Variants in CPQ observed in about 807,000 individuals in gnomAD.
CPQ encodes carboxypeptidase Q.
A neutral mutation model predicts 45.7 loss-of-function variants in CPQ; 37 were observed. That is an observed-to-expected ratio of 0.81 (90% CI 0.62 to 1.07). The LOEUF (loss-of-function observed/expected upper bound fraction) is 1.07. Ranked by LOEUF, CPQ falls within the 50% of genes least tolerant of loss-of-function variation. CPQ has a pLI of 0.00. For missense variants in CPQ, 537 were observed against 572.9 expected (o/e 0.94, Z 0.64); for synonymous variants, 186 against 205.8 (o/e 0.90, Z 0.82).
At chr8:97,068,032 G>C (rs1020237743) in intron 7 of CPQ, among the ~76,000 whole-genome samples, 4 of 152,170 alleles carry the variant, frequency 2.6e-5, no homozygotes, top group Admixed American at 6.5e-5. Context: ...GTGCAGACGG[G>C]GGGTGGTTCA....
At chr8:96,777,246 T>C (rs936296545) in intron 1 of CPQ, among the ~76,000 whole-genome samples, 1 of 151,988 alleles carries the variant, frequency 6.6e-6, no homozygotes, top group Admixed American at 6.6e-5. Flanking sequence ...AGATGATGAG[T>C]AGGGGAAAAT....
At chr8:96,909,052 A>G (rs1207572208) in intron 4 of CPQ, among the ~76,000 whole-genome samples, 2 of 152,150 alleles carry the variant, frequency 1.3e-5, no homozygotes, top group African/African-American at 2.4e-5. Flanking sequence ...TAAAACCAAG[A>G]TATGACCTGT....
At position 96,780,128 on chromosome 8, in the gene CPQ, A is replaced by T. The variant is rs532854497; in HGVS notation, c.-34-4736A>T. ...TGCCTGTATTTGAGTATAACAATTGAAGGTGCAGTGGTGAATAATTTACCC... is the reference window on the plus strand; with the variant it reads ...TGCCTGTATTTGAGTATAACAATTGTAGGTGCAGTGGTGAATAATTTACCC... On this transcript the variant is annotated intron_variant, in intron 1 of 7. Transcript: ENST00000220763. Among the ~76,000 whole-genome samples the T allele has an allele frequency of 9.2e-5, 14 of 152,278 alleles. 2 individuals carry two copies. The South Asian group carries it at 1.9e-3, about 20-fold the overall frequency.
chr8:97,109,597 C>T (rs1003008700), intron 7 of CPQ, among the ~76,000 whole-genome samples: 1 of 152,168 alleles, frequency 6.6e-6, no homozygotes, highest in African/African-American at 2.4e-5. Flanking sequence ...TTCAATGTCT[C>T]TTCCTCAGTG....
At chr8:96,997,831 T>C (rs987677848) in intron 5 of CPQ, among the ~76,000 whole-genome samples, 3 of 152,030 alleles carry the variant, frequency 2.0e-5, no homozygotes, top group Admixed American at 2.0e-4. Flanking sequence ...ATATTAAGTC[T>C]TAAGCTCTTT....
intron 6 of CPQ, among the ~76,000 whole-genome samples, chr8:97,042,232 G>A (rs1810140824): frequency 6.6e-6 from 1 of 152,008 alleles, no homozygotes; most frequent in South Asian, 2.1e-4. Flanking sequence ...ATGTGTCGAG[G>A]AATTTATCCA....
chr8:96,885,129 CA>C (rs947288529), intron 4 of CPQ, among the ~76,000 whole-genome samples: 12 of 152,156 alleles, frequency 7.9e-5, no homozygotes, highest in African/African-American at 2.2e-4. Flanking sequence ...AGTTCAAGAG[CA>C]TGGCACCAGC....
At chr8:97,068,151 A>G (rs1810671512) in intron 7 of CPQ, among the ~76,000 whole-genome samples, 3 of 152,214 alleles carry the variant, frequency 2.0e-5, no homozygotes, top group Non-Finnish European at 2.9e-5. Context: ...ACTTGGCTCT[A>G]GCTTTTTTCC....
chr8:96,686,583 C>G (rs936142260), intron 1 of CPQ, among the ~76,000 whole-genome samples: 2 of 151,674 alleles, frequency 1.3e-5, no homozygotes, highest in African/African-American at 2.4e-5. Flanking sequence ...TAATGTGATC[C>G]TGGATTCTAT....
chr8:96,872,198 C>T (rs1457171707), intron 3 of CPQ, among the ~76,000 whole-genome samples: 2 of 151,972 alleles, frequency 1.3e-5, no homozygotes, highest in African/African-American at 4.8e-5. Flanking sequence ...ATACAGTTCA[C>T]TTGTGTTTGA....
chr8:96,834,867 A>G (rs1811505949), intron 2 of CPQ, 106 bp from the exon 3 acceptor site: 2 of 935,602 alleles, frequency 2.1e-6, no homozygotes, highest in Admixed American at 5.2e-5. Context: ...TTCTTATACC[A>G]GTTTGCCAGA....
intron 3 of CPQ, among the ~76,000 whole-genome samples, chr8:96,852,876 C>T (rs1156400620): frequency 6.6e-6 from 1 of 152,160 alleles, no homozygotes; most frequent in African/African-American, 2.4e-5. Context: ...TGTATTTCTT[C>T]TTGGAAGTTT....
intron 4 of CPQ, among the ~76,000 whole-genome samples, chr8:96,926,576 C>CTTCTTCTTCTTCTTCTTCT (rs1812882233): frequency 9.5e-4 from 71 of 75,028 alleles, no homozygotes; most frequent in Admixed American, 2.1e-3. Flanking sequence ...CTTCCTCTTC[C>CTTCTTCTTCTTCTTCTTCT]TCTTCTTCTT....
rs903283339 is a variant in CPQ at position 96,784,831 on chromosome 8, T to C, written c.-34-33T>C. On this transcript the variant is annotated intron_variant, in intron 1 of 7. Coordinates refer to ENST00000220763, the MANE Select transcript of CPQ (RefSeq NM_016134.4). ...TGGGCAGATAGCTGTGAGATTCTTT[T>C]CCCCTAAAACATAATGTTTCTTATT... 2.1e-5 allele frequency: 30 copies of C among 1,462,520 alleles called. No individual in the cohort carries two copies. The African/African-American group carries it at 4.0e-4, about 19-fold the overall frequency. 90.6% of individuals were successfully genotyped at this position (1,462,520 alleles called of 1,614,324 possible).
rs374980883 is a variant in CPQ, at chr8:96,668,281, G to C, written c.-35+22879G>C. 5.6e-4 allele frequency among the ~76,000 whole-genome samples: 85 copies of C among 152,168 alleles called. 1 individual carries two copies. The highest frequency in any genetic ancestry group is 2.0e-3 in the African/African-American group (81 of 41,434). On this transcript the variant is annotated intron_variant, in intron 1 of 7. Coordinates refer to ENST00000220763, the MANE Select transcript of CPQ (RefSeq NM_016134.4). The stretch of plus-strand genomic sequence containing the variant: ...CCATTGTCTGCCCCACACTGTGCAA[G>C]TTACCATAATATATGTCTGCAATCA...
chr8:96,927,586 G>T (rs142529985), intron 4 of CPQ, among the ~76,000 whole-genome samples: 1 of 152,294 alleles, frequency 6.6e-6, no homozygotes, highest in Admixed American at 6.5e-5. Context: ...GTCATTTAAT[G>T]AGGTAGTCCT....
intron 1 of CPQ, among the ~76,000 whole-genome samples, chr8:96,700,842 A>G (rs1809449081): frequency 6.6e-6 from 1 of 152,216 alleles, no homozygotes; most frequent in African/African-American, 2.4e-5. Context: ...TGTCTGCTCC[A>G]GGCCTGACCT....
At chr8:96,711,379 A>G (rs952583839) in intron 1 of CPQ, among the ~76,000 whole-genome samples, 2 of 152,110 alleles carry the variant, frequency 1.3e-5, no homozygotes, top group African/African-American at 4.8e-5. Context: ...GATGTTGCCC[A>G]GATGCTTTGC....
chr8:96,729,270 T>A (rs1380787922), intron 1 of CPQ, among the ~76,000 whole-genome samples: 1 of 152,318 alleles, frequency 6.6e-6, no homozygotes, highest in Middle Eastern at 3.4e-3. Context: ...CATGCACATA[T>A]ACCCTAAGAC....
Sources: gnomAD v4.1 joint callset for allele counts (sites outside exome capture counted in the v4.1 genomes callset) on GRCh38, gnomAD v4.1.1 for gene constraint, MANE v1.5 for transcripts, NCBI Gene and HGNC (gene_info 2026-07-23, HGNC 2026-07-21) for gene names.